Variants in WNT3 observed in about 807,000 individuals in gnomAD.
The protein encoded by WNT3 is proto-oncogene Wnt-3.
WNT3 carries 7 observed loss-of-function variants against 34.2 expected under a neutral mutation model. The observed-to-expected ratio is 0.20, with a 90% CI of 0.12 to 0.38. WNT3 has a LOEUF of 0.38. Ranked by LOEUF, WNT3 falls within the 10% of genes least tolerant of loss-of-function variation. WNT3 has a pLI of 1.00. For synonymous variants in WNT3, 212 were observed against 211.5 expected (o/e 1.00, Z -0.02); for missense variants, 267 against 499.8 (o/e 0.53, Z 4.44).
At chr17:46,816,872 A>G (rs1055583908) in intron 1 of WNT3, among the ~76,000 whole-genome samples, 11 of 152,194 alleles carry the variant, frequency 7.2e-5, no homozygotes, top group Admixed American at 5.9e-4. Context: ...GAATGGGAAG[A>G]GGGTCAGGAA....
chr17:46,814,738 T>G (rs1038959269), intron 1 of WNT3, among the ~76,000 whole-genome samples: 2 of 152,100 alleles, frequency 1.3e-5, no homozygotes, highest in African/African-American at 4.8e-5. Context: ...TCCAGGTGCC[T>G]CCCTGGGCCC....
intron 1 of WNT3, among the ~76,000 whole-genome samples, chr17:46,813,731 C>T (rs2084305991): frequency 6.6e-6 from 1 of 152,156 alleles, no homozygotes; most frequent in Non-Finnish European, 1.5e-5. Flanking sequence ...CCCCTGGCTC[C>T]TTATCCCCTG....
In WNT3 at chr17:46,806,370, C is replaced by T. The variant is rs1275971327; in HGVS notation, c.80+12148G>A. On this transcript the variant is annotated intron_variant, in intron 1 of 4. Transcript: ENST00000225512. ...GATTACAGGCACGTGCCACCACGCCCGGCTAATTTTGTATTTTTAGTAGAG... is the reference window on the plus strand; with the variant it reads ...GATTACAGGCACGTGCCACCACGCCTGGCTAATTTTGTATTTTTAGTAGAG... Among the ~76,000 whole-genome samples, 10 of 152,076 alleles carry T rather than the reference C, an allele frequency of 6.6e-5. No individual in the cohort carries two copies. The South Asian group carries it at 8.3e-4, about 13-fold the overall frequency.
In WNT3 at chr17:46,768,668, G is replaced by T. The variant is rs764908004; in HGVS notation, c.720C>A (p.Ser240Arg). ...GCTTCTCTACTACCATCTCCGAGGC[G>T]CTGTCATACTTGTCCTTGAGGAAGT... ...IGDFLKDKYD[S>R]ASEMVVEKHR... The change falls in exon 4 of 5, where the codon AGC becomes AGA. Residue 240 changes from serine to arginine, a missense_variant. By Grantham distance (110) the Ser-to-Arg change is moderately radical (BLOSUM62 -1). This residue lies in a region of WNT3 where 181 missense variants were observed against 391.3 expected (regional missense o/e 0.46). Coordinates refer to ENST00000225512, the MANE Select transcript of WNT3 (RefSeq NM_030753.5). The surrounding 1 kb of genome is among the most constrained non-coding windows in gnomAD (Gnocchi z 5.0). The T allele has an allele frequency of 1.9e-6, 3 of 1,614,154 alleles. No homozygotes were observed. The highest frequency in any genetic ancestry group is 2.5e-6 in the Non-Finnish European group (3 of 1,180,036).
In WNT3 at chr17:46,763,599, AT is replaced by A. The variant is rs1370825034; in HGVS notation, c.*1030del. 3.3e-5 allele frequency: 5 copies of A among 152,162 alleles called. No individual in the cohort carries two copies. Among genetic ancestry groups the A allele is most frequent in the African/African-American group, 1.2e-4 (5 of 41,422 alleles). The allele number at this position is 152,162 out of a possible 1,614,324, so 9.4% of individuals were successfully genotyped here. A position where few individuals can be genotyped will look rare whatever the true frequency, so the allele number is the denominator to read the frequency against. On this transcript the variant is annotated 3_prime_UTR_variant, in exon 5 of 5. Coordinates refer to ENST00000225512, the MANE Select transcript of WNT3 (RefSeq NM_030753.5). ...CCCATCTGCTAGTCACAAAGTTGGA[AT>A]TTCAGGAATTGATGGCTACTCCCTC...
chr17:46,773,546 ATCACCCTCCCAGAGGGACCCTGGC>A (rs2146385141), intron 2 of WNT3, 98 bp downstream of exon 2: 1 of 1,171,726 alleles, frequency 8.5e-7, no homozygotes, highest in East Asian at 2.6e-5. Flanking sequence ...AACCAAATTT[ATCACCCTCCCAGAGGGACCCTGGC>A]TTCAGAGAAG....
chr17:46,803,625 A>C (rs2084154925), intron 1 of WNT3, among the ~76,000 whole-genome samples: 1 of 152,212 alleles, frequency 6.6e-6, no homozygotes, highest in Admixed American at 6.5e-5. Context: ...GATAAAGTTC[A>C]CGCTAGACAA....
chr17:46,768,506 G>A lies in WNT3; in HGVS notation c.882C>T (p.Gly294=). Residue 294 remains glycine (G), a synonymous_variant, in exon 4 of 5, where the codon GGC becomes GGT. Coordinates refer to ENST00000225512, the MANE Select transcript of WNT3 (RefSeq NM_030753.5). This position sits in a 1 kb window ranked among gnomAD's most constrained non-coding sequence, Gnocchi z 5.0. ...CEPNPETGSF[G]TRDRTCNVTS... Reference sequence around the variant, plus strand: ...TGACATTGCAAGTCCGGTCCCTTGTGCCAAAGGAACCCGTCTCTGGGTTGG... The same window carrying A: ...TGACATTGCAAGTCCGGTCCCTTGTACCAAAGGAACCCGTCTCTGGGTTGG... 6.2e-7 allele frequency: 1 copy of A among 1,614,178 alleles called. No individual in the cohort carries two copies. Among genetic ancestry groups the A allele is most frequent in the Non-Finnish European group, 8.5e-7 (1 of 1,180,036 alleles).
chr17:46,771,710 C>A (rs1210467465), intron 2 of WNT3, among the ~76,000 whole-genome samples: 3 of 143,316 alleles, frequency 2.1e-5, no homozygotes, highest in African/African-American at 7.5e-5. Flanking sequence ...GCCGCGCCCC[C>A]GGCCCCGGCG....
At chr17:46,792,366 T>G (rs1040431399) in intron 1 of WNT3, among the ~76,000 whole-genome samples, 1 of 152,206 alleles carries the variant, frequency 6.6e-6, no homozygotes, top group Admixed American at 6.5e-5. Flanking sequence ...GGGGTACATT[T>G]ATTTGGGTAG....
At chr17:46,798,368 T>C (rs551998585) in intron 1 of WNT3, among the ~76,000 whole-genome samples, 125 of 152,344 alleles carry the variant, frequency 8.2e-4, no homozygotes, top group Non-Finnish European at 1.6e-3. Flanking sequence ...TTCAGGGACA[T>C]AGTGAGGCTC....
At chr17:46,779,103 A>ACACACACACACACACACACACCC (rs749719578) in intron 1 of WNT3, among the ~76,000 whole-genome samples, 2 of 133,664 alleles carry the variant, frequency 1.5e-5, no homozygotes, top group African/African-American at 5.5e-5. Context: ...ACACACACAC[A>ACACACACACACACACACACACCC]CCCCAGCCCA....
At position 46,768,666 on chromosome 17, in the gene WNT3, G is replaced by C; in HGVS notation, c.722C>G (p.Ala241Gly). 1 of 1,614,158 alleles carries C rather than the reference G, an allele frequency of 6.2e-7. No individual in the cohort carries two copies. Among genetic ancestry groups the C allele is most frequent in the Non-Finnish European group, 8.5e-7 (1 of 1,180,032 alleles). Reference sequence around the variant, plus strand: ...GTGCTTCTCTACTACCATCTCCGAGGCGCTGTCATACTTGTCCTTGAGGAA... The same window carrying C: ...GTGCTTCTCTACTACCATCTCCGAGCCGCTGTCATACTTGTCCTTGAGGAA... ...GDFLKDKYDS[A>G]SEMVVEKHRE... The change falls in exon 4 of 5, where the codon GCC (alanine) becomes GGC (glycine). Residue 241 changes from alanine (A) to glycine (G), a missense_variant. By Grantham distance (60) the Ala-to-Gly change is moderately conservative. Coordinates refer to ENST00000225512, the MANE Select transcript of WNT3 (RefSeq NM_030753.5). The surrounding 1 kb of genome is among the most constrained non-coding windows in gnomAD (Gnocchi z 5.0).
chr17:46,816,133 A>ACGCACACACACACT (rs1568100327), intron 1 of WNT3, among the ~76,000 whole-genome samples: 10 of 37,632 alleles, frequency 2.7e-4, no homozygotes, highest in Admixed American at 2.0e-3. Context: ...ACACACACTC[A>ACGCACACACACACT]CACACACGCA....
At chr17:46,804,647 A>G (rs1377021221) in intron 1 of WNT3, among the ~76,000 whole-genome samples, 2 of 152,242 alleles carry the variant, frequency 1.3e-5, no homozygotes, top group Non-Finnish European at 2.9e-5. Flanking sequence ...AAAGGTGAGT[A>G]GAGGATGGGT....
chr17:46,818,540 G>A lies in WNT3; in HGVS notation c.58C>T (p.Leu20Phe). The A allele has an allele frequency of 6.2e-7, 1 of 1,608,774 alleles. No individual in the cohort carries two copies. The highest frequency in any genetic ancestry group is 8.5e-7 in the Non-Finnish European group (1 of 1,178,422). ...LGLLLGGTRV[L>F]AGYPIWWSLA... ...TACCACCAAATTGGGTAGCCAGCGA[G>A]GACCCTGGTGCCACCGAGCAGGAGG... Residue 20 changes from leucine to phenylalanine, a missense_variant, in exon 1 of 5, where the codon CTC becomes TTC. By Grantham distance (22) the Leu-to-Phe change is conservative (BLOSUM62 0). Coordinates refer to ENST00000225512, the MANE Select transcript of WNT3 (RefSeq NM_030753.5).
At chr17:46,816,510 CA>C (rs2084351579) in intron 1 of WNT3, among the ~76,000 whole-genome samples, 2 of 146,582 alleles carry the variant, frequency 1.4e-5, no homozygotes, top group African/African-American at 2.5e-5. Context: ...CACACACACA[CA>C]CACACCTCTC....
chr17:46,779,053 T>TCTCACACACACACACACA (rs1310974235), intron 1 of WNT3, among the ~76,000 whole-genome samples: 26 of 100,668 alleles, frequency 2.6e-4, no homozygotes, highest in Middle Eastern at 6.9e-3. Flanking sequence ...CCCTACCCCA[T>TCTCACACACACACACACA]CACACACACA....
At chr17:46,802,199 GGCA>G (rs1344809761) in intron 1 of WNT3, among the ~76,000 whole-genome samples, 1 of 152,142 alleles carries the variant, frequency 6.6e-6, no homozygotes, top group Non-Finnish European at 1.5e-5. Flanking sequence ...GCAGCCCCTA[GGCA>G]GCTTCAAGAT....
Sources: allele counts gnomAD v4.1 joint callset (sites outside exome capture counted in the v4.1 genomes callset), GRCh38; gene constraint gnomAD v4.1.1; regional missense constraint gnomAD v4.1.1; non-coding constraint Gnocchi (gnomAD v3.1); transcripts MANE v1.5; gene names NCBI Gene and HGNC (gene_info 2026-07-23, HGNC 2026-07-21).